TENM4: variants seen among roughly 807,000 people sequenced by gnomAD.
The protein encoded by TENM4 is teneurin-4.
Under a neutral mutation model 243.3 loss-of-function variants are expected in TENM4, and 82 were observed. That is an observed-to-expected ratio of 0.34 (90% CI 0.28 to 0.40). The LOEUF (loss-of-function observed/expected upper bound fraction) is 0.40. TENM4 is among the 10% of genes least tolerant of loss of function. TENM4 has a pLI of 1.00. For synonymous variants in TENM4, 1,412 were observed against 1,456.3 expected (o/e 0.97, Z 0.69); for missense variants, 3,138 against 3,673.3 (o/e 0.85, Z 3.77).
intron 1 of TENM4, among the ~76,000 whole-genome samples, chr11:79,435,247 TAATA>T (rs1418364935): frequency 6.6e-6 from 1 of 152,102 alleles, no homozygotes; most frequent in Admixed American, 6.6e-5. Flanking sequence ...AAAAAAAAAG[TAATA>T]AATATATAAC....
At chr11:79,383,971 T>A (rs1858057559) in intron 1 of TENM4, among the ~76,000 whole-genome samples, 1 of 152,030 alleles carries the variant, frequency 6.6e-6, no homozygotes, top group Non-Finnish European at 1.5e-5. Context: ...AAGGAAACCT[T>A]CTGCACTAGA....
chr11:79,242,058 G>T (rs550882725), intron 2 of TENM4, among the ~76,000 whole-genome samples: 1 of 152,328 alleles, frequency 6.6e-6, no homozygotes, highest in South Asian at 2.1e-4. Flanking sequence ...AGATCAGTTA[G>T]AAGTCAATTT....
At chr11:78,874,456 G>A (rs1859214847) in intron 9 of TENM4, among the ~76,000 whole-genome samples, 1 of 152,100 alleles carries the variant, frequency 6.6e-6, no homozygotes, top group South Asian at 2.1e-4. Context: ...CTGTTACAAA[G>A]ATTTATATGT....
At chr11:79,155,906 T>C (rs1003186336) in intron 3 of TENM4, among the ~76,000 whole-genome samples, 59 of 152,080 alleles carry the variant, frequency 3.9e-4, no homozygotes, top group African/African-American at 1.3e-3. Flanking sequence ...TTGACCCTCA[T>C]TTCTTCCTTT....
intron 18 of TENM4, among the ~76,000 whole-genome samples, chr11:78,765,663 T>C (rs1856526520): frequency 6.6e-6 from 1 of 152,236 alleles, no homozygotes; most frequent in African/African-American, 2.4e-5. Context: ...AATCTAATCC[T>C]AGCTCTCCCG....
intron 2 of TENM4, among the ~76,000 whole-genome samples, chr11:79,257,946 C>T (rs1246711274): frequency 6.6e-6 from 1 of 152,196 alleles, no homozygotes; most frequent in Non-Finnish European, 1.5e-5. Flanking sequence ...GTGAAAACAG[C>T]CTGCAGAATG....
At chr11:78,667,827 G>T (rs11237583) in intron 32 of TENM4, among the ~76,000 whole-genome samples, 83,374 of 152,076 alleles carry the variant, frequency 0.55, 24,705 homozygotes, top group Non-Finnish European at 0.69. Flanking sequence ...GCTTTGCAAG[G>T]TGGGATGTGC....
intron 1 of TENM4, among the ~76,000 whole-genome samples, chr11:79,359,437 G>A (rs921085157): frequency 4.6e-5 from 7 of 152,076 alleles, no homozygotes; most frequent in African/African-American, 1.4e-4. Flanking sequence ...ATTTACAGAG[G>A]AAATAATAGG....
At chr11:79,014,099 C>T (rs566677006) in intron 6 of TENM4, among the ~76,000 whole-genome samples, 2 of 152,210 alleles carry the variant, frequency 1.3e-5, no homozygotes, top group African/African-American at 2.4e-5. Flanking sequence ...CTGTGGCACA[C>T]AGTAGGCAGT....
rs192808329 is a variant in TENM4 at position 79,241,443 on chromosome 11, G to A, written c.-264-25534C>T. ...CTGGCTTTTAACATTAAGAGAATTC[G>A]TCACTCTGAAGTTGGAGGGGACCCC... On this transcript the variant is annotated intron_variant, in intron 2 of 33. Transcript: ENST00000278550. Among the ~76,000 whole-genome samples, 46 of 152,102 alleles carry A rather than the reference G, an allele frequency of 3.0e-4. No homozygotes were observed. The East Asian group carries it at 7.8e-3, about 26-fold the overall frequency.
chr11:79,212,524 T>C (rs1477771905), intron 3 of TENM4, among the ~76,000 whole-genome samples: 1 of 152,182 alleles, frequency 6.6e-6, no homozygotes, highest in Non-Finnish European at 1.5e-5. Flanking sequence ...CAAATCCTTT[T>C]TGGAAAGGGG....
rs1050198552 is a variant in TENM4 at position 78,660,608 on chromosome 11, T to C, written c.7551+841A>G. On this transcript the variant is annotated intron_variant, in intron 33 of 33. Transcript: ENST00000278550. ...GTTTCTGACCACCAGCAGCAAGCCA[T>C]CTGGCAACCTGCTTTCCTCCTTAGT... is the stretch of plus-strand genomic sequence containing the variant. 2.6e-5 allele frequency among the ~76,000 whole-genome samples: 4 copies of C among 152,154 alleles called. No individual in the cohort carries two copies. The South Asian group carries it at 6.2e-4, about 24-fold the overall frequency.
At chr11:78,875,353 A>G (rs1446112942) in intron 9 of TENM4, among the ~76,000 whole-genome samples, 1 of 152,130 alleles carries the variant, frequency 6.6e-6, no homozygotes, top group Admixed American at 6.6e-5. Flanking sequence ...ACATGCGTGC[A>G]CCACCATGCC....
At chr11:79,118,832 T>A (rs1035575733) in intron 4 of TENM4, among the ~76,000 whole-genome samples, 6 of 152,206 alleles carry the variant, frequency 3.9e-5, no homozygotes, top group Non-Finnish European at 2.9e-5. Context: ...GGTTTGCACC[T>A]TTTTTGGCTA....
At chr11:78,985,189 C>A (rs1857889840) in intron 6 of TENM4, among the ~76,000 whole-genome samples, 1 of 152,082 alleles carries the variant, frequency 6.6e-6, no homozygotes, top group Non-Finnish European at 1.5e-5. Context: ...TTCATAAAAA[C>A]CACCACCAGT....
At chr11:79,147,280 T>C in intron 4 of TENM4, among the ~76,000 whole-genome samples, 1 of 152,116 alleles carries the variant, frequency 6.6e-6, no homozygotes. Flanking sequence ...TTTGATGATT[T>C]GCAGGCCTCC....
In TENM4 at chr11:79,215,817, T is replaced by G. The variant is rs1224515137; in HGVS notation, c.-172A>C. On this transcript the variant is annotated 5_prime_UTR_variant, in exon 3 of 34. An upstream start codon of the reference 5' UTR is lost. Coordinates refer to ENST00000278550, the MANE Select transcript of TENM4 (RefSeq NM_001098816.3). The stretch of plus-strand genomic sequence containing the variant: ...AGACAAGGGGACTGACCTGGCTCCA[T>G]GTCAGCACGTTCTGAAGAGTCAGCA... The G allele has an allele frequency of 8.1e-6, 8 of 985,768 alleles. No homozygotes were observed. In the East Asian group the frequency reaches 3.4e-4, roughly 42 times the overall value. 61.1% of individuals were successfully genotyped at this position (985,768 alleles called of 1,614,324 possible).
chr11:79,274,936 T>C (rs550665785), intron 2 of TENM4, among the ~76,000 whole-genome samples: 1 of 152,318 alleles, frequency 6.6e-6, no homozygotes, highest in African/African-American at 2.4e-5. Context: ...GAATGCTCAG[T>C]GGCTCTCGCA....
At chr11:79,037,015 C>CAAAAAAAAAAAAAAAAA (rs369421583) in intron 6 of TENM4, among the ~76,000 whole-genome samples, 1 of 91,148 alleles carries the variant, frequency 1.1e-5, no homozygotes, top group Admixed American at 1.3e-4. Context: ...GACTCCATCT[C>CAAAAAAAAAAAAAAAAA]AAAAAAAAAA....
Sources: gnomAD v4.1 joint callset for allele counts (sites outside exome capture counted in the v4.1 genomes callset) on GRCh38, gnomAD v4.1.1 for gene constraint, MANE v1.5 for transcripts, NCBI Gene and HGNC (gene_info 2026-07-23, HGNC 2026-07-21) for gene names.